Variants in ERCC4 observed in about 807,000 individuals in gnomAD.
ERCC4 encodes ERCC excision repair 4, endonuclease catalytic subunit.
Under a neutral mutation model 76.9 loss-of-function variants are expected in ERCC4, and 65 were observed. That is an observed-to-expected ratio of 0.84 (90% CI 0.69 to 1.04). The LOEUF (loss-of-function observed/expected upper bound fraction) is 1.04, where lower values mean the gene tolerates loss of function less well. Among genes scored for constraint, ERCC4 ranks in the 50% least tolerant of loss-of-function variants. The pLI, the probability that ERCC4 is intolerant of heterozygous loss-of-function variation, is 0.00. For missense variants in ERCC4, 1,214 were observed against 1,128.2 expected (o/e 1.08, Z -1.09); for synonymous variants, 463 against 410.1 (o/e 1.13, Z -1.56).
intron 10 of ERCC4, among the ~76,000 whole-genome samples, chr16:13,946,385 C>G (rs1181645603): frequency 6.6e-6 from 1 of 152,236 alleles, no homozygotes; most frequent in Non-Finnish European, 1.5e-5. Context: ...ACCTGCACAG[C>G]ATGTTACTGT....
chr16:13,951,529 C>G lies in ERCC4; in HGVS notation c.*3182C>G, dbSNP rs1294267877. The G allele has an allele frequency of 4.7e-6, 1 of 212,642 alleles. No homozygotes were observed. The highest frequency in any genetic ancestry group is 9.5e-6 in the Non-Finnish European group (1 of 105,066). The allele number at this position is 212,642 out of a possible 1,614,324, so 13.2% of individuals were successfully genotyped here. A position where few individuals can be genotyped will look rare whatever the true frequency, so the allele number is the denominator to read the frequency against. Reference sequence around the variant, plus strand: ...TTTTGGCAGTAAGCTATTACTAATTCAGCCTGAAGCTCGGTAGACAATATG... The same window carrying G: ...TTTTGGCAGTAAGCTATTACTAATTGAGCCTGAAGCTCGGTAGACAATATG... On this transcript the variant is annotated 3_prime_UTR_variant, in exon 11 of 11. Transcript: ENST00000311895.
chr16:13,927,361 C>G (rs2032091189), intron 3 of ERCC4: 1 of 160,672 alleles, frequency 6.2e-6, no homozygotes. Context: ...GAGTTCGAGA[C>G]CAGCCTGGTC....
At position 13,944,801 on chromosome 16, in the gene ERCC4, A is replaced by G. The variant is rs373237850; in HGVS notation, c.1983A>G (p.Ala661=). ...ETNLDLVRGT[A]SADVSTDTRK... is the part of the protein sequence containing the mutation. ...ACTTAGACCTAGTAAGAGGCACAGC[A>G]TCTGCAGATGTTTCCACTGACACTC... is the stretch of plus-strand genomic sequence containing the variant. The change falls in exon 10 of 11, where the codon GCA becomes GCG. Residue 661 remains alanine, a synonymous_variant. Transcript: ENST00000311895. The G allele has an allele frequency of 1.7e-4, 276 of 1,613,624 alleles. 1 individual carries two copies. Among genetic ancestry groups the G allele is most frequent in the South Asian group, 3.3e-4 (30 of 91,082 alleles).
At chr16:13,922,683 G>C (rs2141940714) in intron 2 of ERCC4, 4 of 441,136 alleles carry the variant, frequency 9.1e-6, no homozygotes, top group East Asian at 4.8e-5. Flanking sequence ...TTGTCATCTT[G>C]GAGGCACGGA....
chr16:13,944,777 C>T lies in ERCC4; in HGVS notation c.1959C>T (p.Asn653=), dbSNP rs2032483713. 1 of 1,614,098 alleles carries T rather than the reference C, an allele frequency of 6.2e-7. No homozygotes were observed. Among genetic ancestry groups the T allele is most frequent in the East Asian group, 2.2e-5 (1 of 44,892 alleles). Residue 653 remains asparagine, a synonymous_variant, in exon 10 of 11, where the codon AAC becomes AAT. Transcript: ENST00000311895. ...PEEREGRDET[N]LDLVRGTASA... is the part of the protein sequence containing the mutation. ...AAAGAGAAGGCAGAGATGAAACAAA[C>T]TTAGACCTAGTAAGAGGCACAGCAT...
In ERCC4 at chr16:13,944,657, T is replaced by A; in HGVS notation, c.1905-66T>A. The A allele has an allele frequency of 3.8e-6, 4 of 1,058,574 alleles. No homozygotes were observed. The East Asian group carries it at 9.5e-5, about 25-fold the overall frequency. The allele number at this position is 1,058,574 out of a possible 1,614,324, so 65.6% of individuals were successfully genotyped here. ...GTAGATCATTTTCAATACTACAATT[T>A]ACACACAATAAAATCTAGAATTTTG... On this transcript the variant is annotated intron_variant, in intron 9 of 10. Transcript: ENST00000311895.
chr16:13,949,745 T>A lies in ERCC4; in HGVS notation c.*1398T>A, dbSNP rs1333952512. 4.3e-6 allele frequency: 1 copy of A among 232,462 alleles called. No homozygotes were observed. Among genetic ancestry groups the A allele is most frequent in the East Asian group, 6.1e-5 (1 of 16,424 alleles). The allele number at this position is 232,462 out of a possible 1,614,324, so 14.4% of individuals were successfully genotyped here. On this transcript the variant is annotated 3_prime_UTR_variant, in exon 11 of 11. Coordinates refer to ENST00000311895, the MANE Select transcript of ERCC4 (RefSeq NM_005236.3). Reference sequence around the variant, plus strand: ...GCATCTTTGTGCAGTTTTTAAACTTTTATATTTAAACATTATTAAGTTGGC... The same window carrying A: ...GCATCTTTGTGCAGTTTTTAAACTTATATATTTAAACATTATTAAGTTGGC...
At chr16:13,920,842 A>G (rs1003336930) in intron 1 of ERCC4, among the ~76,000 whole-genome samples, 1 of 151,350 alleles carries the variant, frequency 6.6e-6, no homozygotes, top group Non-Finnish European at 1.5e-5. Context: ...AGTGAGAATG[A>G]TGGAAGGGGT....
At chr16:13,927,825 T>C in intron 3 of ERCC4, 1 of 554,936 alleles carries the variant, frequency 1.8e-6, no homozygotes, top group Non-Finnish European at 3.2e-6. Flanking sequence ...TTGCTGACCC[T>C]TTCCTTATCT....
rs2141949732 is a variant in ERCC4 at position 13,932,132 on chromosome 16, TTTTTC to T, written c.974-20_974-16del. The stretch of plus-strand genomic sequence containing the variant: ...TAAATTAACCATAAATTGATGGCAC[TTTTTC>T]TTTTAACTTTTCGTATTAGGTTGGC... On this transcript the variant is annotated intron_variant, in intron 5 of 10. Transcript: ENST00000311895. 3 of 1,607,268 alleles carry T rather than the reference TTTTTC, an allele frequency of 1.9e-6. No homozygotes were observed. The highest frequency in any genetic ancestry group is 2.6e-6 in the Non-Finnish European group (3 of 1,174,346).
Position 13,948,193 on chromosome 16 carries a change from T to C in ERCC4, c.2597T>C (p.Leu866Ser), listed in dbSNP as rs2032560687. Residue 866 changes from leucine to serine, a missense_variant, in exon 11 of 11, where the codon TTG becomes TCG. Leu to Ser is a moderately radical substitution (Grantham distance 145, BLOSUM62 -2). Coordinates refer to ENST00000311895, the MANE Select transcript of ERCC4 (RefSeq NM_005236.3). Reference sequence around the variant, plus strand: ...GTGAATGCCAAAAACTGCCGCTCCTTGATGCACCACGTTAAGAACATCGCA... The same window carrying C: ...GTGAATGCCAAAAACTGCCGCTCCTCGATGCACCACGTTAAGAACATCGCA... ...PGVNAKNCRS[L>S]MHHVKNIAEL... 6.2e-7 allele frequency: 1 copy of C among 1,614,060 alleles called. No homozygotes were observed. The highest frequency in any genetic ancestry group is 1.3e-5 in the African/African-American group (1 of 74,910).
chr16:13,920,509 A>G lies in ERCC4; in HGVS notation c.207+137A>G, dbSNP rs999108643. The G allele has an allele frequency of 8.4e-6, 7 of 835,350 alleles. No individual in the cohort carries two copies. In the African/African-American group the frequency reaches 1.2e-4, roughly 14 times the overall value. The allele number at this position is 835,350 out of a possible 1,614,324, so 51.7% of individuals were successfully genotyped here. Reference sequence around the variant, plus strand: ...CTGACACTACGCGATGACACAGAGAAGGATGGCAGGGGTCCCCAGGGGGAT... The same window carrying G: ...CTGACACTACGCGATGACACAGAGAGGGATGGCAGGGGTCCCCAGGGGGAT... On this transcript the variant is annotated intron_variant, in intron 1 of 10. Transcript: ENST00000311895.
At position 13,948,061 on chromosome 16, in the gene ERCC4, A is replaced by G. The variant is rs1479523541; in HGVS notation, c.2465A>G (p.Gln822Arg). The change falls in exon 11 of 11, where the codon CAG (glutamine) becomes CGG (arginine). Residue 822 changes from glutamine (Q) to arginine (R), a missense_variant. Coordinates refer to ENST00000311895, the MANE Select transcript of ERCC4 (RefSeq NM_005236.3). ...LFEELKQSKPQPDAATALAIT... is the reference protein window; with the variant it reads ...LFEELKQSKPRPDAATALAIT... Reference sequence around the variant, plus strand: ...GAGGAGCTGAAACAAAGCAAGCCACAGCCTGATGCGGCGACAGCACTGGCC... The same window carrying G: ...GAGGAGCTGAAACAAAGCAAGCCACGGCCTGATGCGGCGACAGCACTGGCC... The G allele has an allele frequency of 9.3e-6, 15 of 1,614,226 alleles. No homozygotes were observed. The highest frequency in any genetic ancestry group is 1.3e-5 in the African/African-American group (1 of 75,062).
intron 8 of ERCC4, among the ~76,000 whole-genome samples, chr16:13,936,800 C>T (rs1409096974): frequency 6.6e-6 from 1 of 151,800 alleles, no homozygotes; most frequent in Non-Finnish European, 1.5e-5. Flanking sequence ...AAAACCAAGG[C>T]TCAAAAAGGA....
At chr16:13,947,445 A>G (rs947481696) in intron 10 of ERCC4, among the ~76,000 whole-genome samples, 169 bp from the exon 11 acceptor site, 3 of 152,256 alleles carry the variant, frequency 2.0e-5, no homozygotes, top group Admixed American at 6.5e-5. Flanking sequence ...AATTGCCTCT[A>G]CTTTATAAAC....
At chr16:13,928,256 C>T (rs1212088112) in intron 4 of ERCC4, 21 bp downstream of exon 4, 9 of 1,478,134 alleles carry the variant, frequency 6.1e-6, no homozygotes, top group African/African-American at 2.8e-5. Flanking sequence ...TCCTTTTAAG[C>T]ACAGTTTATT....
At chr16:13,932,994 TGAG>T in intron 6 of ERCC4, 1 of 272,690 alleles carries the variant, frequency 3.7e-6, no homozygotes, top group South Asian at 2.9e-5. Context: ...TGCAGTGAGC[TGAG>T]ATCACACTAC....
rs1333952512 is a variant in ERCC4 at position 13,949,745 on chromosome 16, T to C, written c.*1398T>C. On this transcript the variant is annotated 3_prime_UTR_variant, in exon 11 of 11. Coordinates refer to ENST00000311895, the MANE Select transcript of ERCC4 (RefSeq NM_005236.3). Reference sequence around the variant, plus strand: ...GCATCTTTGTGCAGTTTTTAAACTTTTATATTTAAACATTATTAAGTTGGC... The same window carrying C: ...GCATCTTTGTGCAGTTTTTAAACTTCTATATTTAAACATTATTAAGTTGGC... The C allele has an allele frequency of 4.3e-6, 1 of 232,462 alleles. No homozygotes were observed. The highest frequency in any genetic ancestry group is 8.5e-6 in the Non-Finnish European group (1 of 117,662). 14.4% of individuals were successfully genotyped at this position (232,462 alleles called of 1,614,324 possible).
chr16:13,923,494 G>A (rs1180777436), intron 2 of ERCC4, among the ~76,000 whole-genome samples: 1 of 152,164 alleles, frequency 6.6e-6, no homozygotes, highest in South Asian at 2.1e-4. Context: ...ATAAATAAAT[G>A]TGTCAATGAA....
Sources: gnomAD v4.1 joint callset for allele counts (sites outside exome capture counted in the v4.1 genomes callset) on GRCh38, gnomAD v4.1.1 for gene constraint, MANE v1.5 for transcripts, NCBI Gene and HGNC (gene_info 2026-07-23, HGNC 2026-07-21) for gene names.